The following RBM20 variants were observed in gnomAD, a reference collection of about 807,000 sequenced individuals.
The protein encoded by RBM20 is RNA-binding protein 20.
In RBM20, 51 loss-of-function variants were observed where a neutral mutation model predicts 110.1. The observed-to-expected ratio is 0.46, with a 90% CI of 0.37 to 0.59. The LOEUF (loss-of-function observed/expected upper bound fraction) is 0.59. Among genes scored for constraint, RBM20 ranks in the 20% least tolerant of loss-of-function variants. The pLI, the probability that RBM20 is intolerant of heterozygous loss-of-function variation, is 0.00. For synonymous variants in RBM20, 589 were observed against 618.2 expected, an observed-to-expected ratio of 0.95 and a Z score of 0.70; for missense variants, 1,512 against 1,574.9, an observed-to-expected ratio of 0.96 and a Z score of 0.68.
At chr10:110,669,552 T>C (rs897179086) in intron 1 of RBM20, among the ~76,000 whole-genome samples, 19 of 152,246 alleles carry the variant, frequency 1.2e-4, no homozygotes, top group African/African-American at 4.6e-4. Flanking sequence ...GAAGATTGCT[T>C]TCAAATCTGA....
In RBM20 at chr10:110,781,547, A is replaced by T; in HGVS notation, c.938A>T (p.Gln313Leu). The change falls in exon 2 of 14, where the codon CAG becomes CTG. Residue 313 changes from glutamine (Q) to leucine (L), a missense_variant. Transcript: ENST00000369519. ...GLKSEVGPLL[Q>L]GTNSQWESPH... is the part of the protein sequence containing the mutation. The stretch of plus-strand genomic sequence containing the variant: ...AAAAGTGAGGTCGGGCCACTGCTGC[A>T]GGGCACAAACAGCCAATGGGAGAGC... 1 of 1,551,710 alleles carries T rather than the reference A, an allele frequency of 6.4e-7. No individual in the cohort carries two copies.
At chr10:110,704,461 G>A (rs1035386927) in intron 1 of RBM20, among the ~76,000 whole-genome samples, 6 of 152,120 alleles carry the variant, frequency 3.9e-5, no homozygotes, top group African/African-American at 1.4e-4. Context: ...ACATGTTTAG[G>A]TTTACTACTT....
chr10:110,683,556 GTTAT>G (rs998012097), intron 1 of RBM20, among the ~76,000 whole-genome samples: 3 of 152,172 alleles, frequency 2.0e-5, no homozygotes, highest in Non-Finnish European at 4.4e-5. Flanking sequence ...GTTGGGGAAG[GTTAT>G]TTAAGAGTTT....
At chr10:110,645,706 T>A (rs984230517) in intron 1 of RBM20, among the ~76,000 whole-genome samples, 2 of 152,220 alleles carry the variant, frequency 1.3e-5, no homozygotes, top group Non-Finnish European at 2.9e-5. Flanking sequence ...AAGACTGATT[T>A]ATCTAATAGA....
intron 1 of RBM20, among the ~76,000 whole-genome samples, chr10:110,728,743 T>C (rs1249534820): frequency 1.3e-5 from 2 of 152,188 alleles, no homozygotes; most frequent in African/African-American, 4.8e-5. Context: ...GGTGGGCAGG[T>C]GTCATTATTC....
intron 1 of RBM20, among the ~76,000 whole-genome samples, chr10:110,690,209 C>T (rs953610723): frequency 1.3e-5 from 2 of 152,024 alleles, no homozygotes; most frequent in Non-Finnish European, 2.9e-5. Context: ...AGTTTTAGAC[C>T]AGCCTGGGCA....
At chr10:110,688,929 G>GTT (rs5787866) in intron 1 of RBM20, among the ~76,000 whole-genome samples, 1 of 141,350 alleles carries the variant, frequency 7.1e-6, no homozygotes, top group African/African-American at 2.6e-5. Flanking sequence ...TGTCTTTCCT[G>GTT]TTTTTTTTTT....
At chr10:110,747,304 G>T (rs12267545) in intron 1 of RBM20, among the ~76,000 whole-genome samples, 2,979 of 150,682 alleles carry the variant, frequency 0.02, 108 homozygotes, top group African/African-American at 0.069. Flanking sequence ...TTTGGGGGGG[G>T]GGGTCATTCT....
At chr10:110,674,000 G>T (rs1862297535) in intron 1 of RBM20, among the ~76,000 whole-genome samples, 1 of 152,176 alleles carries the variant, frequency 6.6e-6, no homozygotes, top group African/African-American at 2.4e-5. Context: ...ATCTTCCTGA[G>T]GCAAGGCCAG....
intron 5 of RBM20, among the ~76,000 whole-genome samples, chr10:110,785,119 C>T (rs905149315): frequency 2.6e-5 from 4 of 152,116 alleles, no homozygotes; most frequent in African/African-American, 9.7e-5. Context: ...CATGCCCTGC[C>T]TCAAATACCT....
intron 1 of RBM20, among the ~76,000 whole-genome samples, chr10:110,709,761 GGGGTCTCATTTTGTTGCCAGGC>G (rs1272942353): frequency 6.6e-6 from 1 of 151,588 alleles, no homozygotes; most frequent in Non-Finnish European, 1.5e-5. Context: ...GTAGAGATGG[GGGGTCTCATTTTGTTGCCAGGC>G]GGGTCTCAAA....
At chr10:110,817,516 T>C (rs1385594195) in intron 9 of RBM20, among the ~76,000 whole-genome samples, 2 of 152,158 alleles carry the variant, frequency 1.3e-5, no homozygotes, top group Non-Finnish European at 2.9e-5. Flanking sequence ...TATTGACCAA[T>C]ATTTGTGGAG....
At chr10:110,668,398 C>A (rs1360847099) in intron 1 of RBM20, among the ~76,000 whole-genome samples, 1 of 152,154 alleles carries the variant, frequency 6.6e-6, no homozygotes, top group African/African-American at 2.4e-5. Flanking sequence ...GAAAAACTAA[C>A]CAAACCAACC....
At chr10:110,724,057 A>G (rs1479773867) in intron 1 of RBM20, among the ~76,000 whole-genome samples, 3 of 152,206 alleles carry the variant, frequency 2.0e-5, no homozygotes, top group Admixed American at 6.5e-5. Context: ...ATTACTAGCC[A>G]AAAGTTACCG....
chr10:110,784,622 T>C (rs983011409), intron 4 of RBM20, among the ~76,000 whole-genome samples, 170 bp from the exon 5 acceptor site: 2 of 152,360 alleles, frequency 1.3e-5, no homozygotes, highest in South Asian at 4.1e-4. Flanking sequence ...CTGAGATACT[T>C]GAGACGTAAA....
At chr10:110,713,449 C>G (rs1257047996) in intron 1 of RBM20, among the ~76,000 whole-genome samples, 1 of 152,102 alleles carries the variant, frequency 6.6e-6, no homozygotes, top group Admixed American at 6.6e-5. Context: ...CGATTATAAC[C>G]CTGACTAGGA....
intron 1 of RBM20, among the ~76,000 whole-genome samples, chr10:110,737,424 A>G (rs1474630858): frequency 6.6e-6 from 1 of 152,136 alleles, no homozygotes; most frequent in Non-Finnish European, 1.5e-5. Flanking sequence ...CTAAGGTCCT[A>G]AAGTATAATG....
At chr10:110,770,700 A>G (rs1298432650) in intron 1 of RBM20, among the ~76,000 whole-genome samples, 3 of 152,244 alleles carry the variant, frequency 2.0e-5, no homozygotes, top group Non-Finnish European at 2.9e-5. Flanking sequence ...TTTCATTTCA[A>G]ATTGGCTTGA....
intron 1 of RBM20, among the ~76,000 whole-genome samples, chr10:110,779,789 G>A (rs1283814022): frequency 6.6e-6 from 1 of 152,218 alleles, no homozygotes; most frequent in Non-Finnish European, 1.5e-5. Flanking sequence ...TGTTGTGAGA[G>A]TATAGGAGAC....
Sources: gnomAD v4.1 joint callset for allele counts (sites outside exome capture counted in the v4.1 genomes callset) on GRCh38, gnomAD v4.1.1 for gene constraint, MANE v1.5 for transcripts, NCBI Gene and HGNC (gene_info 2026-07-23, HGNC 2026-07-21) for gene names.